The following LARS2 variants were observed in gnomAD, a reference collection of about 807,000 sequenced individuals.
The protein encoded by LARS2 is leucyl-tRNA synthetase 2, mitochondrial.
In LARS2, 81 loss-of-function variants were observed where a neutral mutation model predicts 116.6. The observed-to-expected ratio is 0.69, with a 90% confidence interval of 0.58 to 0.84. LARS2 has a LOEUF of 0.84. Among genes scored for constraint, LARS2 ranks in the 40% least tolerant of loss-of-function variants. LARS2 has a pLI of 0.00. For synonymous variants in LARS2, 396 were observed against 407.2 expected (o/e 0.97, Z 0.33); for missense variants, 968 against 1,114.5 (o/e 0.87, Z 1.87).
At chr3:45,403,128 A>AAG (rs1698181704) in intron 4 of LARS2, among the ~76,000 whole-genome samples, 1 of 151,136 alleles carries the variant, frequency 6.6e-6, no homozygotes, top group Non-Finnish European at 1.5e-5. Flanking sequence ...AAAAAAAAAA[A>AAG]AAAGAAAGAT....
chr3:45,476,092 A>G (rs1699604473), intron 9 of LARS2, among the ~76,000 whole-genome samples: 1 of 149,100 alleles, frequency 6.7e-6, no homozygotes, highest in Non-Finnish European at 1.5e-5. Flanking sequence ...CCGTACCCTT[A>G]TATCCTTGAA....
chr3:45,414,585 A>AG, intron 4 of LARS2, among the ~76,000 whole-genome samples: 1 of 152,214 alleles, frequency 6.6e-6, no homozygotes, highest in African/African-American at 2.4e-5. Flanking sequence ...AAGCAAAGTA[A>AG]GGGGCTGGGG....
At chr3:45,418,170 A>G (rs1698460679) in intron 5 of LARS2, among the ~76,000 whole-genome samples, 1 of 152,170 alleles carries the variant, frequency 6.6e-6, no homozygotes, top group Non-Finnish European at 1.5e-5. Context: ...GCCTCACCCT[A>G]GAACTTGGCA....
chr3:45,484,892 C>T lies in LARS2; in HGVS notation c.1019-800C>T, dbSNP rs553896334. Among the ~76,000 whole-genome samples the T allele has an allele frequency of 1.4e-4, 21 of 150,642 alleles. No homozygotes were observed. The South Asian group carries it at 4.2e-3, about 30-fold the overall frequency. ...TTCTTTGAATTTCTGGCTAAGTCTT[C>T]CTGTACACCCCCCATATTTCTTTGA... On this transcript the variant is annotated intron_variant, in intron 10 of 21. Coordinates refer to ENST00000645846, the MANE Select transcript of LARS2 (RefSeq NM_015340.4).
intron 3 of LARS2, among the ~76,000 whole-genome samples, chr3:45,394,978 G>A (rs1698021249): frequency 6.6e-6 from 1 of 152,126 alleles, no homozygotes; most frequent in Admixed American, 6.5e-5. Flanking sequence ...TTGCGCACGA[G>A]GTGTATGACA....
intron 11 of LARS2, among the ~76,000 whole-genome samples, chr3:45,487,254 C>G (rs1444873754): frequency 1.3e-5 from 2 of 152,100 alleles, no homozygotes; most frequent in Admixed American, 6.6e-5. Flanking sequence ...CTATGAACAC[C>G]TTTTGGTAGT....
intron 20 of LARS2, among the ~76,000 whole-genome samples, chr3:45,526,213 G>A (rs983635382): frequency 1.3e-5 from 2 of 152,156 alleles, no homozygotes; most frequent in Admixed American, 1.3e-4. Context: ...TACAATTAAA[G>A]AAATCATACC....
chr3:45,544,758 T>C (rs1700851667), intron 21 of LARS2, among the ~76,000 whole-genome samples: 1 of 152,082 alleles, frequency 6.6e-6, no homozygotes, highest in Non-Finnish European at 1.5e-5. Context: ...CTTCTGGCAG[T>C]TGGAGAATCA....
intron 4 of LARS2, among the ~76,000 whole-genome samples, chr3:45,402,438 A>G (rs1559456681): frequency 1.3e-5 from 2 of 152,234 alleles, no homozygotes; most frequent in African/African-American, 4.8e-5. Context: ...CTTTTCCTCC[A>G]GAGAGCCAAT....
intron 12 of LARS2, among the ~76,000 whole-genome samples, chr3:45,489,229 G>T (rs1202523116): frequency 6.6e-6 from 1 of 152,124 alleles, no homozygotes; most frequent in Non-Finnish European, 1.5e-5. Context: ...TGTTTATTTG[G>T]TCAGGGTTAT....
chr3:45,433,563 A>G (rs1478574720), intron 6 of LARS2, among the ~76,000 whole-genome samples: 1 of 152,142 alleles, frequency 6.6e-6, no homozygotes, highest in Non-Finnish European at 1.5e-5. Context: ...ATTGTTTTAA[A>G]TGTTTCCTCT....
intron 10 of LARS2, among the ~76,000 whole-genome samples, chr3:45,481,656 G>A (rs774152034): frequency 1.3e-5 from 2 of 152,006 alleles, no homozygotes; most frequent in Non-Finnish European, 2.9e-5. Context: ...TGTCTGTTCA[G>A]TTCTCTTGCC....
intron 7 of LARS2, among the ~76,000 whole-genome samples, chr3:45,454,900 C>T (rs1346371574): frequency 6.6e-6 from 1 of 152,140 alleles, no homozygotes; most frequent in East Asian, 1.9e-4. Flanking sequence ...AGGTGCTGTG[C>T]TCCCTGAGCC....
At chr3:45,490,560 G>C (rs75055177) in intron 12 of LARS2, among the ~76,000 whole-genome samples, 2,703 of 152,344 alleles carry the variant, frequency 0.018, 71 homozygotes, top group African/African-American at 0.058. Flanking sequence ...CATCACGACT[G>C]TGATAATGGG....
At chr3:45,533,026 G>A (rs952363180) in intron 20 of LARS2, among the ~76,000 whole-genome samples, 5 of 151,982 alleles carry the variant, frequency 3.3e-5, no homozygotes, top group African/African-American at 1.2e-4. Flanking sequence ...TTAAGGGAGG[G>A]AGGTATTAGG....
At chr3:45,494,761 GAATGTTCTTAAGA>G (rs1034968151) in intron 13 of LARS2, among the ~76,000 whole-genome samples, 40 of 152,148 alleles carry the variant, frequency 2.6e-4, no homozygotes, top group Non-Finnish European at 5.1e-4. Context: ...ACAACTCTAG[GAATGTTCTTAAGA>G]ATGAGTGTAG....
intron 13 of LARS2, among the ~76,000 whole-genome samples, chr3:45,494,249 G>A (rs1437559782): frequency 6.6e-6 from 1 of 152,202 alleles, no homozygotes; most frequent in Non-Finnish European, 1.5e-5. Context: ...ACCAGCTGAC[G>A]AGGGAGCTGG....
At chr3:45,404,291 T>C (rs2125678154) in intron 4 of LARS2, among the ~76,000 whole-genome samples, 1 of 152,334 alleles carries the variant, frequency 6.6e-6, no homozygotes, top group East Asian at 1.9e-4. Flanking sequence ...CTTATTAATT[T>C]TCATAGTTCA....
At chr3:45,510,942 G>T (rs1700279827) in intron 15 of LARS2, among the ~76,000 whole-genome samples, 2 of 152,198 alleles carry the variant, frequency 1.3e-5, no homozygotes. Context: ...AAGCACTCAA[G>T]AAATACCAAA....
Sources: allele counts gnomAD v4.1 joint callset (sites outside exome capture counted in the v4.1 genomes callset), GRCh38; gene constraint gnomAD v4.1.1; transcripts MANE v1.5; gene names NCBI Gene and HGNC (gene_info 2026-07-23, HGNC 2026-07-21).